CNTNAP2: variants seen among roughly 807,000 people sequenced by gnomAD.
CNTNAP2 encodes the protein contactin-associated protein-like 2.
Under a neutral mutation model 155.2 loss-of-function variants are expected in CNTNAP2, and 98 were observed. The ratio of observed to expected loss-of-function variants is 0.63; its 90% CI spans 0.54 to 0.75. The LOEUF (loss-of-function observed/expected upper bound fraction) is 0.75, where lower values mean the gene tolerates loss of function less well. Among genes scored for constraint, CNTNAP2 ranks in the 30% least tolerant of loss-of-function variants. The probability of loss-of-function intolerance (pLI) is 0.00; values close to 1 mark genes in which losing one functional copy is unlikely to be tolerated. For synonymous variants in CNTNAP2, 651 were observed against 631.2 expected (o/e 1.03, Z -0.47); for missense variants, 1,727 against 1,688.1 (o/e 1.02, Z -0.40).
chr7:147,000,455 C>T (rs1798398962), intron 3 of CNTNAP2, among the ~76,000 whole-genome samples: 1 of 151,928 alleles, frequency 6.6e-6, no homozygotes, highest in Non-Finnish European at 1.5e-5. Context: ...TTTTTTTGGT[C>T]ATGTGCTGAT....
chr7:147,561,487 T>TA, intron 11 of CNTNAP2, among the ~76,000 whole-genome samples: 1 of 152,190 alleles, frequency 6.6e-6, no homozygotes, highest in South Asian at 2.1e-4. Context: ...AGCACTGGAA[T>TA]AAAAAGGGAA....
chr7:147,870,589 G>A (rs1447409945), intron 13 of CNTNAP2, among the ~76,000 whole-genome samples: 1 of 152,186 alleles, frequency 6.6e-6, no homozygotes. Context: ...GAGAAAACAT[G>A]CTCAACCCCA....
At chr7:148,089,193 A>T (rs1268487365) in intron 15 of CNTNAP2, among the ~76,000 whole-genome samples, 1 of 152,010 alleles carries the variant, frequency 6.6e-6, no homozygotes, top group African/African-American at 2.4e-5. Context: ...CCCATAGCTG[A>T]CATCATATTC....
At chr7:147,448,937 CTT>C (rs1204693653) in intron 10 of CNTNAP2, among the ~76,000 whole-genome samples, 1 of 152,040 alleles carries the variant, frequency 6.6e-6, no homozygotes, top group African/African-American at 2.4e-5. Flanking sequence ...TAAATAAACT[CTT>C]TGAATAAAAA....
chr7:147,285,472 TG>T (rs1222235976), intron 8 of CNTNAP2, among the ~76,000 whole-genome samples: 25 of 152,156 alleles, frequency 1.6e-4, no homozygotes, highest in Admixed American at 5.2e-4. Context: ...ATTACATTTC[TG>T]ACAATTTTTC....
intron 21 of CNTNAP2, among the ~76,000 whole-genome samples, chr7:148,371,997 G>A (rs929264225): frequency 2.0e-5 from 3 of 152,050 alleles, no homozygotes; most frequent in African/African-American, 4.8e-5. Flanking sequence ...TCAGGAGATC[G>A]AGACCAGCCT....
intron 1 of CNTNAP2, among the ~76,000 whole-genome samples, chr7:146,722,161 A>G (rs888763391): frequency 7.9e-5 from 12 of 151,768 alleles, no homozygotes; most frequent in Admixed American, 7.2e-4. Flanking sequence ...AAGTGCTGGG[A>G]TTACAGGTGT....
intron 1 of CNTNAP2, among the ~76,000 whole-genome samples, chr7:146,123,926 A>G (rs900512226): frequency 6.6e-6 from 1 of 152,240 alleles, no homozygotes; most frequent in Non-Finnish European, 1.5e-5. Context: ...GCCATAAAAA[A>G]GGACGAGTTC....
intron 15 of CNTNAP2, among the ~76,000 whole-genome samples, chr7:148,109,774 G>A (rs1804306886): frequency 6.6e-6 from 1 of 152,186 alleles, no homozygotes; most frequent in African/African-American, 2.4e-5. Context: ...TAAGCTATAT[G>A]TCTATGAGTA....
intron 1 of CNTNAP2, among the ~76,000 whole-genome samples, chr7:146,417,320 T>A (rs1795951088): frequency 6.6e-6 from 1 of 152,198 alleles, no homozygotes; most frequent in Non-Finnish European, 1.5e-5. Context: ...CTTTTTCACA[T>A]CTATTGTGAC....
intron 3 of CNTNAP2, among the ~76,000 whole-genome samples, chr7:146,892,665 A>G (rs1456332663): frequency 6.6e-6 from 1 of 152,154 alleles, no homozygotes; most frequent in African/African-American, 2.4e-5. Flanking sequence ...AATCCCAGCT[A>G]CTTGGGAGGC....
At chr7:147,235,666 T>C (rs1293113029) in intron 8 of CNTNAP2, among the ~76,000 whole-genome samples, 2 of 152,318 alleles carry the variant, frequency 1.3e-5, no homozygotes, top group Admixed American at 6.5e-5. Context: ...CCCACATTGT[T>C]CCAGATTTAA....
At chr7:146,676,602 C>T (rs137871581) in intron 1 of CNTNAP2, among the ~76,000 whole-genome samples, 86 of 152,040 alleles carry the variant, frequency 5.7e-4, no homozygotes, top group African/African-American at 2.0e-3. Context: ...TTTCATGCTG[C>T]TAATAAAGAC....
At chr7:146,859,072 G>T (rs946374274) in intron 3 of CNTNAP2, among the ~76,000 whole-genome samples, 2 of 152,114 alleles carry the variant, frequency 1.3e-5, no homozygotes, top group African/African-American at 4.8e-5. Flanking sequence ...TCTTAATAAA[G>T]CAATTGAGAT....
At chr7:147,756,053 A>AG (rs1261726907) in intron 13 of CNTNAP2, among the ~76,000 whole-genome samples, 2 of 152,202 alleles carry the variant, frequency 1.3e-5, no homozygotes, top group African/African-American at 4.8e-5. Context: ...CACAGCCTCT[A>AG]GCAGTATGGT....
chr7:148,084,387 C>T (rs1225436176), intron 15 of CNTNAP2, among the ~76,000 whole-genome samples: 2 of 152,174 alleles, frequency 1.3e-5, no homozygotes, highest in Non-Finnish European at 2.9e-5. Flanking sequence ...ACAGTAGAGG[C>T]TTGGCTCTCT....
At chr7:148,076,505 G>A (rs1420925633) in intron 15 of CNTNAP2, among the ~76,000 whole-genome samples, 10 of 135,286 alleles carry the variant, frequency 7.4e-5, no homozygotes, top group Non-Finnish European at 1.5e-4. Flanking sequence ...GCCCGATCTC[G>A]GCTCACTGCA....
At chr7:148,117,139 G>A (rs1804490912) in intron 15 of CNTNAP2, among the ~76,000 whole-genome samples, 1 of 152,216 alleles carries the variant, frequency 6.6e-6, no homozygotes, top group Admixed American at 6.5e-5. Flanking sequence ...CATCCTGCGA[G>A]CTGCTTTTCT....
intron 1 of CNTNAP2, among the ~76,000 whole-genome samples, chr7:146,275,678 T>C (rs1416500014): frequency 1.3e-5 from 2 of 152,204 alleles, no homozygotes; most frequent in East Asian, 3.9e-4. Flanking sequence ...TTGGTTTACA[T>C]GAGCCTCTAT....
Sources: allele counts gnomAD v4.1 joint callset (sites outside exome capture counted in the v4.1 genomes callset), GRCh38; gene constraint gnomAD v4.1.1; transcripts MANE v1.5; gene names NCBI Gene and HGNC (gene_info 2026-07-23, HGNC 2026-07-21).